The following DENND5A variants were observed in gnomAD, a reference collection of about 807,000 sequenced individuals.
DENND5A encodes DENN domain-containing protein 5A.
DENND5A carries 64 observed loss-of-function variants against 140.3 expected under a neutral mutation model. That is an observed-to-expected ratio of 0.46 (90% confidence interval 0.37 to 0.56). The LOEUF is 0.56. Among genes scored for constraint, DENND5A ranks in the 20% least tolerant of loss-of-function variants. DENND5A has a pLI of 0.00. For synonymous variants in DENND5A, 605 were observed against 607.7 expected (o/e 1.00, Z 0.07); for missense variants, 1,292 against 1,593.8 (o/e 0.81, Z 3.22).
intron 3 of DENND5A, among the ~76,000 whole-genome samples, chr11:9,206,472 T>TA (rs1458051581): frequency 6.6e-6 from 1 of 152,214 alleles, no homozygotes; most frequent in Non-Finnish European, 1.5e-5. Flanking sequence ...CAGAAACACA[T>TA]TATAACTTTT....
intron 1 of DENND5A, among the ~76,000 whole-genome samples, chr11:9,249,759 A>G (rs1397528015): frequency 6.6e-6 from 1 of 152,124 alleles, no homozygotes; most frequent in Non-Finnish European, 1.5e-5. Context: ...CATGTTAGCC[A>G]GGCTGTTCTC....
chr11:9,263,214 T>C, intron 1 of DENND5A, among the ~76,000 whole-genome samples: 1 of 151,890 alleles, frequency 6.6e-6, no homozygotes, highest in Non-Finnish European at 1.5e-5. Flanking sequence ...TTCTTTTTCT[T>C]TTTTCCCAGA....
At chr11:9,155,602 C>T (rs897049430) in intron 12 of DENND5A, among the ~76,000 whole-genome samples, 1 of 152,176 alleles carries the variant, frequency 6.6e-6, no homozygotes, top group Non-Finnish European at 1.5e-5. Flanking sequence ...TTGCAAGGTT[C>T]AATACAGCCT....
intron 1 of DENND5A, among the ~76,000 whole-genome samples, chr11:9,224,163 A>C (rs549193886): frequency 1.2e-4 from 18 of 152,316 alleles, no homozygotes; most frequent in Admixed American, 5.2e-4. Context: ...CATTCACTCC[A>C]GCCTGGGCGA....
At chr11:9,201,377 T>TA (rs35169343) in intron 4 of DENND5A, among the ~76,000 whole-genome samples, 7,142 of 131,874 alleles carry the variant, frequency 0.054, 516 homozygotes, top group African/African-American at 0.17. Context: ...TCTATTTCTT[T>TA]AAAAAAAAAA....
At chr11:9,185,951 CTCTG>C (rs1486076410) in intron 5 of DENND5A, among the ~76,000 whole-genome samples, 1 of 151,772 alleles carries the variant, frequency 6.6e-6, no homozygotes, top group African/African-American at 2.4e-5. Context: ...TCTGTATTGT[CTCTG>C]TGTCTGTGAT....
intron 1 of DENND5A, among the ~76,000 whole-genome samples, chr11:9,235,689 C>G (rs1314180109): frequency 1.3e-5 from 2 of 151,424 alleles, no homozygotes; most frequent in Non-Finnish European, 2.9e-5. Context: ...AATCACGCTA[C>G]CTGAAAGGAG....
intron 12 of DENND5A, among the ~76,000 whole-genome samples, chr11:9,158,949 T>C (rs1008015411): frequency 6.6e-6 from 1 of 152,216 alleles, no homozygotes; most frequent in Non-Finnish European, 1.5e-5. Flanking sequence ...CACTATCTAA[T>C]TCTAGAACAT....
chr11:9,257,166 C>T (rs547866558), intron 1 of DENND5A, among the ~76,000 whole-genome samples: 4 of 151,896 alleles, frequency 2.6e-5, no homozygotes, highest in South Asian at 2.1e-4. Flanking sequence ...CCCACCACCA[C>T]GCCCGGCTAA....
chr11:9,244,758 C>A (rs1352464995), intron 1 of DENND5A, among the ~76,000 whole-genome samples: 2 of 152,124 alleles, frequency 1.3e-5, no homozygotes. Context: ...TCACTGCAAC[C>A]CCACTTCCTG....
At chr11:9,257,544 C>A (rs1257559840) in intron 1 of DENND5A, among the ~76,000 whole-genome samples, 1 of 146,116 alleles carries the variant, frequency 6.8e-6, no homozygotes, top group Non-Finnish European at 1.5e-5. Flanking sequence ...TGCACTGGCT[C>A]GATCTCGGCT....
chr11:9,230,487 C>A (rs1262339819), intron 1 of DENND5A, among the ~76,000 whole-genome samples: 3 of 151,960 alleles, frequency 2.0e-5, no homozygotes, highest in African/African-American at 7.3e-5. Flanking sequence ...GCAATCCTCC[C>A]AGCACAGCCT....
chr11:9,170,491 C>T (rs1012379591), intron 9 of DENND5A, 136 bp downstream of exon 9: 10 of 1,169,064 alleles, frequency 8.6e-6, no homozygotes, highest in Non-Finnish European at 1.1e-5. Context: ...AGCAAACCAC[C>T]TAGATAGTCT....
intron 1 of DENND5A, among the ~76,000 whole-genome samples, chr11:9,221,909 C>T (rs189873918): frequency 6.6e-6 from 1 of 152,102 alleles, no homozygotes; most frequent in African/African-American, 2.4e-5. Context: ...AGGTGCATGC[C>T]ACCACGCCCG....
At chr11:9,225,327 C>T (rs939144696) in intron 1 of DENND5A, among the ~76,000 whole-genome samples, 1 of 152,162 alleles carries the variant, frequency 6.6e-6, no homozygotes, top group Non-Finnish European at 1.5e-5. Flanking sequence ...CAACTATATC[C>T]TAGTCATTCC....
intron 1 of DENND5A, among the ~76,000 whole-genome samples, chr11:9,210,622 C>A (rs1849846420): frequency 6.6e-6 from 1 of 152,190 alleles, no homozygotes; most frequent in South Asian, 2.1e-4. Context: ...CGGCTCACTG[C>A]AGCCTCAACC....
At chr11:9,146,836 A>G in intron 16 of DENND5A, 194 bp downstream of exon 16, 1 of 610,934 alleles carries the variant, frequency 1.6e-6, no homozygotes, top group South Asian at 2.1e-5. Context: ...CCAGTTCAGA[A>G]CAAGAATGAG....
rs1848864253 is a variant in DENND5A at position 9,185,102 on chromosome 11, A to T, written c.1138-4018T>A. ...GCTACTTGGGAGGCTGAGGCAGGAG[A>T]ATCATATGAACCCAGCAGGCGGAGT... On this transcript the variant is annotated intron_variant, in intron 5 of 22. Coordinates refer to ENST00000328194, the MANE Select transcript of DENND5A (RefSeq NM_015213.4). Among the ~76,000 whole-genome samples the T allele has an allele frequency of 5.3e-5, 8 of 152,232 alleles. No individual in the cohort carries two copies. In the South Asian group the frequency reaches 1.7e-3, roughly 32 times the overall value.
intron 2 of DENND5A, chr11:9,207,357 A>G (rs1642247295): frequency 3.6e-6 from 2 of 557,758 alleles, no homozygotes; most frequent in Non-Finnish European, 6.3e-6. Context: ...TAAAAACACT[A>G]AAGTATATTG....
Sources: gnomAD v4.1 joint callset for allele counts (sites outside exome capture counted in the v4.1 genomes callset) on GRCh38, gnomAD v4.1.1 for gene constraint, MANE v1.5 for transcripts, NCBI Gene and HGNC (gene_info 2026-07-23, HGNC 2026-07-21) for gene names.